The following PTPRA variants were observed in gnomAD, a reference collection of about 807,000 sequenced individuals.
PTPRA encodes the protein protein tyrosine phosphatase receptor type A.
PTPRA carries 25 observed loss-of-function variants against 104.8 expected under a neutral mutation model. The observed-to-expected ratio is 0.24, with a 90% CI of 0.17 to 0.33. The LOEUF (loss-of-function observed/expected upper bound fraction) is 0.33, where lower values mean the gene tolerates loss of function less well. Ranked by LOEUF, PTPRA falls within the 10% of genes least tolerant of loss-of-function variation. The probability of loss-of-function intolerance (pLI) is 1.00; values close to 1 mark genes in which losing one functional copy is unlikely to be tolerated. For missense variants in PTPRA, 765 were observed against 1,015.3 expected, an observed-to-expected ratio of 0.75 and a Z score of 3.35; for synonymous variants, 323 against 368.9, an observed-to-expected ratio of 0.88 and a Z score of 1.43.
intron 19 of PTPRA, 132 bp downstream of exon 19, chr20:3,027,329 A>C: frequency 4.4e-6 from 4 of 918,620 alleles, no homozygotes; most frequent in Non-Finnish European, 6.9e-6. Flanking sequence ...ATTGATACTC[A>C]CCCACCCACT....
intron 13 of PTPRA, among the ~76,000 whole-genome samples, chr20:3,019,066 G>C (rs1321500009): frequency 7.2e-6 from 1 of 138,492 alleles, no homozygotes; most frequent in East Asian, 2.3e-4. Context: ...GCGGCTGGCC[G>C]GGCAGAGGGG....
chr20:3,010,877 G>A (rs2064139866), intron 11 of PTPRA, among the ~76,000 whole-genome samples: 1 of 152,180 alleles, frequency 6.6e-6, no homozygotes, highest in African/African-American at 2.4e-5. Context: ...CACCTTCCAA[G>A]CCAGTGAAAG....
intron 1 of PTPRA, among the ~76,000 whole-genome samples, chr20:2,890,933 A>T (rs577867931): frequency 1.3e-5 from 2 of 152,092 alleles, no homozygotes; most frequent in African/African-American, 4.8e-5. Context: ...TGTCCTCAGA[A>T]CCCATCTGGA....
At chr20:2,934,669 CTT>C (rs756152103) in intron 2 of PTPRA, among the ~76,000 whole-genome samples, 117 of 127,158 alleles carry the variant, frequency 9.2e-4, no homozygotes, top group African/African-American at 2.8e-3. Flanking sequence ...CAATTAGAAC[CTT>C]TTTTTTTTTT....
chr20:2,946,406 A>G (rs1342966927), intron 2 of PTPRA, among the ~76,000 whole-genome samples: 5 of 152,186 alleles, frequency 3.3e-5, no homozygotes, highest in Non-Finnish European at 5.9e-5. Context: ...ACAAAACAGA[A>G]GGAGAGAGGA....
chr20:2,864,779 G>A, the PTPRA span: 1 of 1,195,328 alleles, frequency 8.4e-7, no homozygotes, highest in South Asian at 1.3e-5. The surrounding 1 kb of genome is among the most constrained non-coding windows in gnomAD (Gnocchi z 5.2). Flanking sequence ...CTGTGAGGGA[G>A]ACTCTGACGT....
At chr20:2,911,966 G>A (rs145871689) in intron 1 of PTPRA, among the ~76,000 whole-genome samples, 3 of 152,132 alleles carry the variant, frequency 2.0e-5, no homozygotes. Context: ...TAGAAGGCCG[G>A]GCATGGGGAC....
rs1296442385 is a variant in PTPRA, at chr20:2,950,154, G to A, written c.-7+2130G>A. Among the ~76,000 whole-genome samples the A allele has an allele frequency of 6.6e-6, 1 of 152,106 alleles. No homozygotes were observed. Among genetic ancestry groups the A allele is most frequent in the African/African-American group, 2.4e-5 (1 of 41,424 alleles). ...AGCATCTGGGTCCAGTGTTTTTTAT[G>A]TGGGACAAATTTGAACTTGTGGTCA... On this transcript the variant is annotated intron_variant, in intron 3 of 23. Transcript: ENST00000399903. The surrounding 1 kb of genome is among the most constrained non-coding windows in gnomAD (Gnocchi z 4.0).
intron 13 of PTPRA, among the ~76,000 whole-genome samples, chr20:3,020,086 G>C (rs964106584): frequency 1.3e-5 from 2 of 151,968 alleles, no homozygotes; most frequent in East Asian, 3.9e-4. Flanking sequence ...GAGGGAGACC[G>C]TGGGGAGAGG....
intron 13 of PTPRA, 21 bp from the exon 14 acceptor site, chr20:3,021,288 T>C (rs372525822): frequency 1.1e-5 from 18 of 1,613,322 alleles, no homozygotes; most frequent in Non-Finnish European, 1.4e-5. Context: ...GGTCAGGGAA[T>C]GTATGTCTTT....
In PTPRA at chr20:2,964,866, C is replaced by T; in HGVS notation, c.79C>T (p.Pro27Ser). The T allele has an allele frequency of 6.2e-7, 1 of 1,611,902 alleles. No individual in the cohort carries two copies. Among genetic ancestry groups the T allele is most frequent in the Non-Finnish European group, 8.5e-7 (1 of 1,178,474 alleles). The change falls in exon 5 of 24, where the codon CCT (proline) becomes TCT (serine). Residue 27 changes from proline (P) to serine (S), a missense_variant. Pro to Ser is a moderately conservative substitution (Grantham distance 74). Around this residue, in one of 4 missense-constraint regions of PTPRA, gnomAD observed 256 missense variants for 248.9 expected, o/e 1.03. Transcript: ENST00000399903. ...VSANNATTVA[P>S]SVGITRLINS... ...TTGTTTTTTGGTGTTTGTAGTTGCA[C>T]CTTCTGTAGGAATTACAAGATTAAT...
chr20:2,886,067 T>TA (rs1438148387), intron 1 of PTPRA, among the ~76,000 whole-genome samples: 2 of 151,964 alleles, frequency 1.3e-5, no homozygotes, highest in Non-Finnish European at 2.9e-5. Context: ...TTGGAAAAAA[T>TA]AAAAAAGACT....
At chr20:2,966,721 G>T (rs2061960060) in intron 5 of PTPRA, among the ~76,000 whole-genome samples, 1 of 152,164 alleles carries the variant, frequency 6.6e-6, no homozygotes, top group Admixed American at 6.5e-5. Context: ...TTACAATGAT[G>T]AAACCATAAT....
chr20:2,992,672 T>G (rs2063230928), intron 9 of PTPRA, among the ~76,000 whole-genome samples: 1 of 45,328 alleles, frequency 2.2e-5, no homozygotes, highest in Non-Finnish European at 3.5e-5. Flanking sequence ...CTTATATCCA[T>G]ATCCAAATAT....
chr20:2,986,668 A>C lies in PTPRA; in HGVS notation c.443-97A>C, dbSNP rs188197638. 587 of 1,035,978 alleles carry C rather than the reference A, an allele frequency of 5.7e-4. 1 individual carries two copies. Among genetic ancestry groups the C allele is most frequent in the Non-Finnish European group, 6.2e-4 (406 of 656,106 alleles). The allele number at this position is 1,035,978 out of a possible 1,614,324, so 64.2% of individuals were successfully genotyped here. A position where few individuals can be genotyped will look rare whatever the true frequency, so the allele number is the denominator to read the frequency against. On this transcript the variant is annotated intron_variant, in intron 6 of 23. Transcript: ENST00000399903. Reference sequence around the variant, plus strand: ...TTTCCTGGCATCTGCAGAAGGACTGAATGAGCTCTTCCTCTTCAGGGTGTT... The same window carrying C: ...TTTCCTGGCATCTGCAGAAGGACTGCATGAGCTCTTCCTCTTCAGGGTGTT...
chr20:3,017,776 T>G (rs1474920279), intron 12 of PTPRA, 40 bp from the exon 13 acceptor site: 3 of 1,545,334 alleles, frequency 1.9e-6, no homozygotes, highest in Non-Finnish European at 2.7e-6. Context: ...TCTTTCTTCT[T>G]GGTGTATATT....
intron 1 of PTPRA, among the ~76,000 whole-genome samples, chr20:2,921,937 A>G (rs2060112689): frequency 6.6e-6 from 1 of 152,166 alleles, no homozygotes. Flanking sequence ...CATTGTTGAC[A>G]TTTGGGACTG....
At chr20:2,914,829 G>A (rs1310623068) in intron 1 of PTPRA, among the ~76,000 whole-genome samples, 3 of 152,108 alleles carry the variant, frequency 2.0e-5, no homozygotes, top group Non-Finnish European at 2.9e-5. Context: ...TGTACTCGTA[G>A]CACTTTTATG....
chr20:3,037,187 C>T lies in PTPRA; in HGVS notation c.2232C>T (p.Ala744=). The change falls in exon 23 of 24, where the codon GCC becomes GCT. Residue 744 remains alanine, a synonymous_variant. Transcript: ENST00000399903. The surrounding 1 kb of genome is among the most constrained non-coding windows in gnomAD (Gnocchi z 4.3). ...AGAGRTGTFC[A]LSTVLERVKA... ...CAGGAAGGACGGGGACCTTCTGTGC[C>T]CTGAGCACCGTCCTGGAGCGTGTGA... 1 of 1,614,182 alleles carries T rather than the reference C, an allele frequency of 6.2e-7. No individual in the cohort carries two copies. Among genetic ancestry groups the T allele is most frequent in the Non-Finnish European group, 8.5e-7 (1 of 1,180,026 alleles).
Sources: gnomAD v4.1 joint callset for allele counts (sites outside exome capture counted in the v4.1 genomes callset) on GRCh38, gnomAD v4.1.1 for gene constraint, gnomAD v4.1.1 regional missense constraint, Gnocchi (gnomAD v3.1) non-coding constraint, MANE v1.5 for transcripts, NCBI Gene and HGNC (gene_info 2026-07-23, HGNC 2026-07-21) for gene names.